Variants in SRGAP3 observed in about 807,000 individuals in gnomAD.
SRGAP3 encodes SLIT-ROBO Rho GTPase-activating protein 3.
Under a neutral mutation model 121.1 loss-of-function variants are expected in SRGAP3, and 39 were observed. The ratio of observed to expected loss-of-function variants is 0.32; its 90% confidence interval spans 0.25 to 0.42. The LOEUF is 0.42. SRGAP3 is among the 10% of genes least tolerant of loss of function. The probability of loss-of-function intolerance (pLI) is 1.00; values close to 1 mark genes in which losing one functional copy is unlikely to be tolerated. For synonymous variants in SRGAP3, 601 were observed against 570.0 expected (o/e 1.05, Z -0.77); for missense variants, 1,213 against 1,470.6 (o/e 0.82, Z 2.86).
intron 14 of SRGAP3, among the ~76,000 whole-genome samples, chr3:9,017,166 G>C (rs1379598957): frequency 2.6e-5 from 4 of 152,080 alleles, no homozygotes; most frequent in Admixed American, 6.5e-5. Context: ...CTAGGTATTA[G>C]GTGTGCTCAT....
At chr3:9,101,493 GA>G (rs1948212960) in intron 3 of SRGAP3, among the ~76,000 whole-genome samples, 1 of 152,214 alleles carries the variant, frequency 6.6e-6, no homozygotes, top group African/African-American at 2.4e-5. Context: ...CCCATTCTGG[GA>G]AAAGGGACTT....
intron 12 of SRGAP3, among the ~76,000 whole-genome samples, chr3:9,032,204 A>C (rs1189780821): frequency 6.6e-6 from 1 of 152,182 alleles, no homozygotes; most frequent in Non-Finnish European, 1.5e-5. Context: ...TAAAAAAAAA[A>C]TTCACGTGTA....
At chr3:9,040,836 T>C (rs779282704) in intron 10 of SRGAP3, among the ~76,000 whole-genome samples, 2 of 152,222 alleles carry the variant, frequency 1.3e-5, no homozygotes, top group Non-Finnish European at 2.9e-5. Context: ...AAATTATCAA[T>C]ACATGTAGCT....
At chr3:9,084,816 C>G (rs1021882558) in intron 3 of SRGAP3, among the ~76,000 whole-genome samples, 8 of 152,140 alleles carry the variant, frequency 5.3e-5, no homozygotes, top group Admixed American at 3.9e-4. Context: ...ATGGACTTAT[C>G]CTATTCCTCC....
intron 3 of SRGAP3, among the ~76,000 whole-genome samples, chr3:9,315,566 C>T (rs1955329935): frequency 6.6e-6 from 1 of 152,160 alleles, no homozygotes; most frequent in Non-Finnish European, 1.5e-5. Flanking sequence ...TAACCTCTTA[C>T]GTGAAGTTTA....
chr3:9,322,856 A>G (rs1301985330), intron 3 of SRGAP3, among the ~76,000 whole-genome samples: 1 of 151,876 alleles, frequency 6.6e-6, no homozygotes, highest in Non-Finnish European at 1.5e-5. Flanking sequence ...GAAAGTGAAA[A>G]TTTAAGTTCA....
chr3:9,052,009 G>A (rs184322540), intron 9 of SRGAP3, among the ~76,000 whole-genome samples: 39 of 152,298 alleles, frequency 2.6e-4, no homozygotes, highest in East Asian at 1.4e-3. Context: ...CACGGTGCCC[G>A]GCCAATTTTG....
At chr3:9,157,272 G>A (rs549287302) in intron 1 of SRGAP3, among the ~76,000 whole-genome samples, 1 of 152,150 alleles carries the variant, frequency 6.6e-6, no homozygotes, top group South Asian at 2.1e-4. Flanking sequence ...AGTAAAGGGG[G>A]ATGTGCTACA....
At chr3:9,065,093 C>T (rs1946366473) in intron 4 of SRGAP3, among the ~76,000 whole-genome samples, 1 of 152,144 alleles carries the variant, frequency 6.6e-6, no homozygotes, top group African/African-American at 2.4e-5. Context: ...TTCTTACACA[C>T]AAATCATTTT....
chr3:9,087,029 T>C (rs1013264687), intron 3 of SRGAP3, among the ~76,000 whole-genome samples: 4 of 151,450 alleles, frequency 2.6e-5, no homozygotes, highest in African/African-American at 7.3e-5. Context: ...CATATACGTA[T>C]ATTATGTATG....
At chr3:9,068,501 C>T (rs1039652404) in intron 4 of SRGAP3, among the ~76,000 whole-genome samples, 1 of 152,162 alleles carries the variant, frequency 6.6e-6, no homozygotes, top group Non-Finnish European at 1.5e-5. Context: ...TGGGGCCAAA[C>T]TCCCTGTGAT....
intron 9 of SRGAP3, among the ~76,000 whole-genome samples, chr3:9,048,944 A>G (rs544780751): frequency 6.6e-6 from 1 of 152,272 alleles, no homozygotes; most frequent in Admixed American, 6.5e-5. Context: ...CCACATGGGG[A>G]CCTGCGGGAA....
At chr3:9,356,907 C>T (rs1208624997) in intron 1 of SRGAP3, among the ~76,000 whole-genome samples, 1 of 152,096 alleles carries the variant, frequency 6.6e-6, no homozygotes, top group Non-Finnish European at 1.5e-5. Flanking sequence ...CTCATTATGT[C>T]AAGAAAATCT....
intron 1 of SRGAP3, among the ~76,000 whole-genome samples, chr3:9,158,109 G>A (rs113447260): frequency 0.02 from 3,052 of 152,242 alleles, 77 homozygotes; most frequent in East Asian, 0.074. Flanking sequence ...GAGCCTGCTC[G>A]GGCCTGTAAC....
At chr3:9,316,421 G>A (rs1955347146) in intron 3 of SRGAP3, among the ~76,000 whole-genome samples, 1 of 151,368 alleles carries the variant, frequency 6.6e-6, no homozygotes, top group Non-Finnish European at 1.5e-5. Context: ...CACTTTGGGA[G>A]GCCGAGGCGG....
intron 3 of SRGAP3, among the ~76,000 whole-genome samples, chr3:9,280,271 G>A (rs561998433): frequency 5.3e-5 from 8 of 152,336 alleles, no homozygotes; most frequent in Non-Finnish European, 1.0e-4. Flanking sequence ...CAGACAGCAC[G>A]AATAAACATG....
In SRGAP3 at chr3:9,243,662, G is replaced by C. The variant is rs1237141977; in HGVS notation, c.67+5223C>G. Among the ~76,000 whole-genome samples the C allele has an allele frequency of 3.3e-5, 5 of 150,984 alleles. No homozygotes were observed. In the East Asian group the frequency reaches 7.8e-4, roughly 24 times the overall value. ...AAAAAAAAAAAAAGAGAGAGAGAGA[G>C]AGAGAAAAGGGACTGGTTTTTTGCG... On this transcript the variant is annotated intron_variant, in intron 1 of 21. Transcript: ENST00000383836.
intron 9 of SRGAP3, among the ~76,000 whole-genome samples, chr3:9,048,441 G>A (rs1047724649): frequency 1.3e-4 from 20 of 152,256 alleles, no homozygotes; most frequent in African/African-American, 3.9e-4. Context: ...TGAAGCTTAC[G>A]TGGTGGGCTG....
chr3:8,995,863 T>A (rs987564203), intron 18 of SRGAP3, among the ~76,000 whole-genome samples: 2 of 152,244 alleles, frequency 1.3e-5, no homozygotes, highest in South Asian at 2.1e-4. Flanking sequence ...TACTTTTTTT[T>A]ATTTTAATAG....
Sources: allele counts gnomAD v4.1 joint callset (sites outside exome capture counted in the v4.1 genomes callset), GRCh38; gene constraint gnomAD v4.1.1; transcripts MANE v1.5; gene names NCBI Gene and HGNC (gene_info 2026-07-23, HGNC 2026-07-21).